The following FRMD3 variants were observed in gnomAD, a reference collection of about 807,000 sequenced individuals.
FRMD3 encodes FERM domain containing 3, also known as FERM domain-containing protein 3.
Under a neutral mutation model 70.2 loss-of-function variants are expected in FRMD3, and 33 were observed. The ratio of observed to expected loss-of-function variants is 0.47; its 90% CI spans 0.36 to 0.63. The LOEUF (loss-of-function observed/expected upper bound fraction) is 0.63, where lower values mean the gene tolerates loss of function less well. Among genes scored for constraint, FRMD3 ranks in the 20% least tolerant of loss-of-function variants. The probability of loss-of-function intolerance (pLI) is 0.00; values close to 1 mark genes in which losing one functional copy is unlikely to be tolerated. For missense variants in FRMD3, 632 were observed against 711.4 expected (o/e 0.89, Z 1.27); for synonymous variants, 279 against 255.9 (o/e 1.09, Z -0.86).
intron 1 of FRMD3, among the ~76,000 whole-genome samples, chr9:83,507,033 G>T (rs970633663): frequency 2.0e-5 from 3 of 152,110 alleles, no homozygotes; most frequent in African/African-American, 7.2e-5. Context: ...GCCTTCAGAG[G>T]CAATAACACG....
Position 83,479,768 on chromosome 9 carries a change from AGGG to A in FRMD3, c.147+58314_147+58316del, listed in dbSNP as rs1828518217. Among the ~76,000 whole-genome samples the A allele has an allele frequency of 6.3e-4, 27 of 42,520 alleles. 3 individuals carry two copies. The highest frequency in any genetic ancestry group is 2.0e-3 in the African/African-American group (17 of 8,690). 27.9% of individuals were successfully genotyped at this position (42,520 alleles called of 152,430 possible). ...AAGAAAAGAGAAGAAGAAGGGAGGG[AGGG>A]AGGGAGGGAGGGAGGGAAGGAAGGA... On this transcript the variant is annotated intron_variant, in intron 1 of 13. Transcript: ENST00000304195.
chr9:83,502,418 A>G (rs1829089422), intron 1 of FRMD3, among the ~76,000 whole-genome samples: 1 of 152,226 alleles, frequency 6.6e-6, no homozygotes, highest in Admixed American at 6.5e-5. Context: ...TCTGCCTCTA[A>G]GTATCTGAAT....
At chr9:83,314,897 C>T (rs7856022) in intron 6 of FRMD3, among the ~76,000 whole-genome samples, 28,240 of 152,010 alleles carry the variant, frequency 0.19, 2,761 homozygotes, top group African/African-American at 0.24. Context: ...ATAAATGGGT[C>T]TTGAAACTTC....
intron 1 of FRMD3, among the ~76,000 whole-genome samples, chr9:83,489,236 C>T (rs940127162): frequency 2.0e-5 from 3 of 152,028 alleles, no homozygotes; most frequent in Non-Finnish European, 4.4e-5. Context: ...GCAATTGCAA[C>T]ACAAGCAAAA....
chr9:83,305,783 G>A, intron 10 of FRMD3, among the ~76,000 whole-genome samples: 1 of 152,222 alleles, frequency 6.6e-6, no homozygotes, highest in East Asian at 1.9e-4. Flanking sequence ...CGAATGAGAT[G>A]AGGGTAGCTT....
Position 83,343,246 on chromosome 9 carries a change from C to A in FRMD3, c.416G>T (p.Gly139Val). ...YLQIKRDIFH[G>V]RLLCSFSDAA... is the part of the protein sequence containing the mutation. ...ATCAGAAAAGGAGCACAGCAGGCGG[C>A]CATGAAAAATGTCCCTTTTAATCTG... is the stretch of plus-strand genomic sequence containing the variant. The change falls in exon 5 of 14, where the codon GGC becomes GTC. Residue 139 changes from glycine (G) to valine (V), a missense_variant. This residue lies in a region of FRMD3 where 208 missense variants were observed against 247.7 expected (regional missense o/e 0.84). Transcript: ENST00000304195. The A allele has an allele frequency of 1.2e-6, 2 of 1,613,916 alleles. No homozygotes were observed. Among genetic ancestry groups the A allele is most frequent in the Non-Finnish European group, 1.7e-6 (2 of 1,179,854 alleles).
chr9:83,295,254 C>T (rs1034903800), intron 12 of FRMD3, among the ~76,000 whole-genome samples: 27 of 152,162 alleles, frequency 1.8e-4, no homozygotes, highest in Non-Finnish European at 3.5e-4. Context: ...ACCATATTTA[C>T]AGGTGAGGAA....
intron 1 of FRMD3, among the ~76,000 whole-genome samples, chr9:83,451,389 TCACA>T (rs10611241): frequency 0.073 from 10,801 of 147,530 alleles, 809 homozygotes; most frequent in African/African-American, 0.19. Flanking sequence ...AATACATACA[TCACA>T]CACACACACA....
At chr9:83,290,570 G>A (rs746398437) in intron 13 of FRMD3, 33 bp downstream of exon 13, 2 of 1,613,374 alleles carry the variant, frequency 1.2e-6, no homozygotes, top group Non-Finnish European at 1.7e-6. Flanking sequence ...GAAGCCTGCA[G>A]CACCAGCATT....
intron 13 of FRMD3, among the ~76,000 whole-genome samples, chr9:83,271,945 T>C (rs144720391): frequency 2.6e-5 from 4 of 152,322 alleles, no homozygotes; most frequent in African/African-American, 9.6e-5. Flanking sequence ...CTCCAACTTA[T>C]TTATAAACGG....
intron 1 of FRMD3, among the ~76,000 whole-genome samples, chr9:83,501,195 G>A (rs1227110194): frequency 6.6e-6 from 1 of 152,168 alleles, no homozygotes; most frequent in East Asian, 1.9e-4. Flanking sequence ...TCGGGAGGCT[G>A]AGGCAGGAGA....
At chr9:83,519,451 C>A (rs1388535122) in intron 1 of FRMD3, among the ~76,000 whole-genome samples, 4 of 152,272 alleles carry the variant, frequency 2.6e-5, no homozygotes, top group Non-Finnish European at 4.4e-5. Context: ...GATACCATCT[C>A]ATGCCAGTTA....
chr9:83,498,234 C>G (rs1828986496), intron 1 of FRMD3, among the ~76,000 whole-genome samples: 1 of 152,168 alleles, frequency 6.6e-6, no homozygotes, highest in East Asian at 1.9e-4. Context: ...ACTTGTCAAT[C>G]ACTTGACTTC....
the FRMD3 span, among the ~76,000 whole-genome samples, chr9:83,546,923 T>C: frequency 8.3e-6 from 1 of 121,000 alleles, no homozygotes; most frequent in South Asian, 2.7e-4. Context: ...ATTGGTGAAA[T>C]GGATTTTTGA....
chr9:83,282,005 TTTCTTAGTTACCCATTCTG>T (rs1833991813), intron 13 of FRMD3, among the ~76,000 whole-genome samples: 1 of 152,258 alleles, frequency 6.6e-6, no homozygotes, highest in African/African-American at 2.4e-5. Context: ...ATAGATGTAG[TTTCTTAGTTACCCATTCTG>T]TTTCAGCAAG....
At chr9:83,438,854 A>C (rs1827215236) in intron 1 of FRMD3, among the ~76,000 whole-genome samples, 1 of 152,188 alleles carries the variant, frequency 6.6e-6, no homozygotes, top group Admixed American at 6.5e-5. Flanking sequence ...GGCCATGAGA[A>C]GTTGTTCCCA....
intron 1 of FRMD3, among the ~76,000 whole-genome samples, chr9:83,490,445 C>T (rs747733900): frequency 1.4e-4 from 21 of 151,992 alleles, no homozygotes; most frequent in Admixed American, 4.6e-4. Context: ...CCCACCACCA[C>T]ACCTGGCAAA....
Position 83,246,576 on chromosome 9 carries a change from A to G in FRMD3, c.*1342T>C. ...GAAGTCAAATTTTAAAACAACTGGGAAAGGAAAGGAGTATAATGACCACCG... is the reference window on the plus strand; with the variant it reads ...GAAGTCAAATTTTAAAACAACTGGGGAAGGAAAGGAGTATAATGACCACCG... On this transcript the variant is annotated 3_prime_UTR_variant, in exon 14 of 14. Transcript: ENST00000304195. 1.0e-6 allele frequency: 1 copy of G among 985,072 alleles called. No individual in the cohort carries two copies. The highest frequency in any genetic ancestry group is 1.1e-4 in the East Asian group (1 of 8,722). The allele number at this position is 985,072 out of a possible 1,614,324, so 61.0% of individuals were successfully genotyped here.
chr9:83,270,025 A>G (rs929795754), intron 13 of FRMD3, among the ~76,000 whole-genome samples: 2 of 152,214 alleles, frequency 1.3e-5, no homozygotes, highest in Admixed American at 1.3e-4. Flanking sequence ...GAACAAGAAA[A>G]GAGAGGTGGG....
Sources: allele counts gnomAD v4.1 joint callset (sites outside exome capture counted in the v4.1 genomes callset), GRCh38; gene constraint gnomAD v4.1.1; regional missense constraint gnomAD v4.1.1; transcripts MANE v1.5; gene names NCBI Gene and HGNC (gene_info 2026-07-23, HGNC 2026-07-21).